The following ATPAF1 variants were observed in gnomAD, a reference collection of about 807,000 sequenced individuals.
ATPAF1 encodes the protein homolog of yeast ATP11.
A neutral mutation model predicts 43.9 loss-of-function variants in ATPAF1; 26 were observed. The observed-to-expected ratio is 0.59, with a 90% CI of 0.43 to 0.82. The LOEUF is 0.82. ATPAF1 is among the 40% of genes least tolerant of loss of function. ATPAF1 has a pLI of 0.00. For synonymous variants in ATPAF1, 157 were observed against 168.0 expected (o/e 0.93, Z 0.50); for missense variants, 366 against 435.0 (o/e 0.84, Z 1.41).
chr1:46,667,270 TAA>T (rs1475604644), intron 1 of ATPAF1, among the ~76,000 whole-genome samples: 2 of 152,310 alleles, frequency 1.3e-5, no homozygotes, highest in African/African-American at 4.8e-5. Context: ...TTTACAGTAC[TAA>T]GTCTTTGGTT....
At chr1:46,658,228 A>T (rs776003612) in intron 3 of ATPAF1, 39 bp from the exon 4 acceptor site, 8 of 1,129,524 alleles carry the variant, frequency 7.1e-6, no homozygotes, top group African/African-American at 8.6e-5. Flanking sequence ...CACATAATTA[A>T]AAAAAAAAAA....
At chr1:46,663,148 T>C (rs148689276) in intron 2 of ATPAF1, among the ~76,000 whole-genome samples, 6,699 of 152,308 alleles carry the variant, frequency 0.044, 462 homozygotes, top group African/African-American at 0.15. Context: ...TTCCATGGTG[T>C]ATATGTGCCA....
chr1:46,666,680 T>C (rs528104557), intron 1 of ATPAF1, among the ~76,000 whole-genome samples: 4 of 152,332 alleles, frequency 2.6e-5, no homozygotes, highest in African/African-American at 7.2e-5. Context: ...CTCCTCTCCA[T>C]TCTTTTTCAA....
chr1:46,647,776 C>T (rs1177882599), intron 6 of ATPAF1, among the ~76,000 whole-genome samples: 1 of 152,170 alleles, frequency 6.6e-6, no homozygotes, highest in Non-Finnish European at 1.5e-5. Context: ...ATATGACCGG[C>T]AGTATAGGAG....
chr1:46,663,523 C>G (rs971619645), intron 2 of ATPAF1, among the ~76,000 whole-genome samples: 6 of 152,194 alleles, frequency 3.9e-5, no homozygotes, highest in African/African-American at 1.2e-4. Context: ...TTGCATTTCT[C>G]CAATGGCCAG....
intron 4 of ATPAF1, among the ~76,000 whole-genome samples, chr1:46,655,644 GTTC>G (rs1355936491): frequency 3.3e-5 from 5 of 151,996 alleles, no homozygotes; most frequent in Admixed American, 6.5e-5. Context: ...GATGCTCTGT[GTTC>G]TTATTTTTTA....
At chr1:46,663,627 GT>G (rs138079879) in intron 2 of ATPAF1, among the ~76,000 whole-genome samples, 39,706 of 149,996 alleles carry the variant, frequency 0.26, 5,485 homozygotes, top group East Asian at 0.39. Flanking sequence ...TTTTGATGGG[GT>G]TTTTTTTTTC....
chr1:46,635,994 G>A (rs1370385949), intron 8 of ATPAF1, 24 bp from the exon 9 acceptor site: 2 of 1,611,464 alleles, frequency 1.2e-6, no homozygotes, highest in Non-Finnish European at 8.5e-7. Flanking sequence ...AGAATAATGA[G>A]GTCCTTTCTT....
intron 6 of ATPAF1, among the ~76,000 whole-genome samples, chr1:46,651,658 C>T (rs1381514378): frequency 1.3e-5 from 2 of 152,046 alleles, no homozygotes; most frequent in African/African-American, 4.8e-5. Context: ...CTCTCCAGCA[C>T]CTGTTGTTTC....
chr1:46,666,383 G>C (rs1038610043), intron 1 of ATPAF1: 1 of 152,408 alleles, frequency 6.6e-6, no homozygotes, highest in Non-Finnish European at 1.5e-5. Context: ...AACCCTGCTA[G>C]TGGCTACAGC....
intron 6 of ATPAF1, among the ~76,000 whole-genome samples, chr1:46,650,314 A>G (rs1676140146): frequency 6.6e-6 from 1 of 151,910 alleles, no homozygotes; most frequent in African/African-American, 2.4e-5. Flanking sequence ...ATTTGAGGCC[A>G]GGATTTGAAG....
At chr1:46,659,280 G>A (rs1311553791) in intron 2 of ATPAF1, among the ~76,000 whole-genome samples, 2 of 152,276 alleles carry the variant, frequency 1.3e-5, no homozygotes, top group East Asian at 3.9e-4. Flanking sequence ...GAGATTCAGA[G>A]ATAAGATTTC....
At chr1:46,645,117 G>A in intron 7 of ATPAF1, 44 bp downstream of exon 7, 8 of 1,501,354 alleles carry the variant, frequency 5.3e-6, no homozygotes, top group Non-Finnish European at 7.4e-6. Context: ...GTCCTACCAA[G>A]GGGTAGTCCT....
intron 8 of ATPAF1, among the ~76,000 whole-genome samples, chr1:46,640,080 C>T (rs1179292038): frequency 1.3e-5 from 2 of 152,162 alleles, no homozygotes; most frequent in Admixed American, 6.6e-5. Flanking sequence ...ACTCCCACAA[C>T]CCATTAGGAC....
chr1:46,643,598 C>A (rs1357004096), intron 7 of ATPAF1, among the ~76,000 whole-genome samples: 1 of 152,220 alleles, frequency 6.6e-6, no homozygotes, highest in Non-Finnish European at 1.5e-5. Context: ...CAAAATGGCA[C>A]AAGCAGCTAC....
chr1:46,665,642 C>G (rs146883766), intron 1 of ATPAF1: 1 of 1,532,614 alleles, frequency 6.5e-7, no homozygotes, highest in African/African-American at 1.4e-5. Flanking sequence ...CTCTCAGGTA[C>G]TTACATTCAG....
chr1:46,665,467 A>G, intron 1 of ATPAF1, 103 bp from the exon 2 acceptor site: 1 of 1,338,540 alleles, frequency 7.5e-7, no homozygotes, highest in Non-Finnish European at 1.0e-6. Flanking sequence ...ACTGCCATTC[A>G]GAGAGGTTGA....
chr1:46,658,646 T>C (rs1367146020), intron 3 of ATPAF1, 41 bp downstream of exon 3: 4 of 1,505,614 alleles, frequency 2.7e-6, no homozygotes, highest in Non-Finnish European at 3.6e-6. Flanking sequence ...ATGTCCCATA[T>C]GACTTCAAGC....
intron 4 of ATPAF1, among the ~76,000 whole-genome samples, chr1:46,657,243 C>G (rs1420478298): frequency 6.6e-6 from 1 of 152,070 alleles, no homozygotes; most frequent in Non-Finnish European, 1.5e-5. Flanking sequence ...TTATTTTGAT[C>G]CTCTCAATCT....
Sources: gnomAD v4.1 joint callset for allele counts (sites outside exome capture counted in the v4.1 genomes callset) on GRCh38, gnomAD v4.1.1 for gene constraint, MANE v1.5 for transcripts, NCBI Gene and HGNC (gene_info 2026-07-23, HGNC 2026-07-21) for gene names.